GGT5: variants seen among roughly 807,000 people sequenced by gnomAD.
GGT5 encodes the protein glutathione hydrolase 5 proenzyme.
Under a neutral mutation model 58.1 loss-of-function variants are expected in GGT5, and 50 were observed. That is an observed-to-expected ratio of 0.86 (90% CI 0.69 to 1.09). The LOEUF (loss-of-function observed/expected upper bound fraction) is 1.09, where lower values mean the gene tolerates loss of function less well. Among genes scored for constraint, GGT5 ranks in the 50% least tolerant of loss-of-function variants. GGT5 has a pLI of 0.00. For missense variants in GGT5, 800 were observed against 789.4 expected (o/e 1.01, Z -0.16); for synonymous variants, 370 against 346.1 (o/e 1.07, Z -0.77).
Position 24,244,988 on chromosome 22 carries a change from C to G in GGT5, c.-263G>C. Reference sequence around the variant, plus strand: ...GGGCGGACAGACAGACAGGTCTGAACAGCGGGCTGCCAGATGGACAGATGG... The same window carrying G: ...GGGCGGACAGACAGACAGGTCTGAAGAGCGGGCTGCCAGATGGACAGATGG... On this transcript the variant is annotated 5_prime_UTR_variant, in exon 1 of 12. Coordinates refer to ENST00000327365, the MANE Select transcript of GGT5 (RefSeq NM_004121.5). The G allele has an allele frequency of 1.9e-6, 1 of 524,112 alleles. No homozygotes were observed. The allele number at this position is 524,112 out of a possible 1,614,324, so 32.5% of individuals were successfully genotyped here. A position where few individuals can be genotyped will look rare whatever the true frequency, so the allele number is the denominator to read the frequency against.
At chr22:24,233,838 C>A (rs774062530) in intron 2 of GGT5, 36 bp downstream of exon 2, 3 of 1,595,166 alleles carry the variant, frequency 1.9e-6, no homozygotes, top group Non-Finnish European at 2.6e-6. Context: ...TGTGGACAAG[C>A]CCATCTTCCC....
chr22:24,228,067 CAAAACAA>C lies in GGT5; in HGVS notation c.902-1307_902-1301del, dbSNP rs1601390296. Among the ~76,000 whole-genome samples the C allele has an allele frequency of 2.3e-5, 2 of 88,242 alleles. 1 individual carries two copies. The highest frequency in any genetic ancestry group is 6.7e-4 in the East Asian group (2 of 2,970). 57.9% of individuals were successfully genotyped at this position (88,242 alleles called of 152,430 possible). On this transcript the variant is annotated intron_variant, in intron 6 of 11. Transcript: ENST00000327365. ...CTGTCTCAAAAAAAAAAAAAAAAAACAAAACAAAAAAAAAAAAACTCTGAAAAATAGA... is the reference window on the plus strand; with the variant it reads ...CTGTCTCAAAAAAAAAAAAAAAAAACAAAAAAAAAAACTCTGAAAAATAGA...
At chr22:24,237,007 C>CT (rs35060391) in intron 1 of GGT5, among the ~76,000 whole-genome samples, 13,879 of 131,006 alleles carry the variant, frequency 0.11, 810 homozygotes, top group Admixed American at 0.19. Context: ...TCTTTTCTCT[C>CT]TTTTTTTTTT....
At chr22:24,220,513 A>T (rs1171732934) in intron 11 of GGT5, 4 of 459,992 alleles carry the variant, frequency 8.7e-6, no homozygotes, top group Non-Finnish European at 1.7e-5. Flanking sequence ...GCAATTTGGG[A>T]GGCTGAGGAA....
chr22:24,226,587 GGGA>G (rs2047772606), intron 7 of GGT5, 41 bp downstream of exon 7: 3 of 1,605,268 alleles, frequency 1.9e-6, no homozygotes, highest in African/African-American at 2.7e-5. Context: ...TCCTGAGCCA[GGGA>G]GGAGGACGGC....
chr22:24,225,438 G>A, intron 9 of GGT5, 27 bp from the exon 10 acceptor site: 1 of 1,607,068 alleles, frequency 6.2e-7, no homozygotes, highest in Non-Finnish European at 8.5e-7. Flanking sequence ...GTCTTGGCAA[G>A]TGCAGTGACC....
At position 24,219,939 on chromosome 22, in the gene GGT5, G is replaced by A. The variant is rs371665899; in HGVS notation, c.*31C>T. 9 of 1,609,548 alleles carry A rather than the reference G, an allele frequency of 5.6e-6. No homozygotes were observed. Among genetic ancestry groups the A allele is most frequent in the East Asian group, 2.2e-5 (1 of 44,838 alleles). ...GCCTGGACACAGGACTCATGGTGGG[G>A]CCAGACTTCAGCTCTGGGCAGAGCA... On this transcript the variant is annotated 3_prime_UTR_variant, in exon 12 of 12. Coordinates refer to ENST00000327365, the MANE Select transcript of GGT5 (RefSeq NM_004121.5).
intron 2 of GGT5, 110 bp downstream of exon 2, chr22:24,233,764 C>T: frequency 8.9e-7 from 1 of 1,129,242 alleles, no homozygotes; most frequent in Non-Finnish European, 1.3e-6. Context: ...GGGCAGGGGG[C>T]CCAAGAACAC....
In GGT5 at chr22:24,233,926, C is replaced by G. The variant is rs2048025360; in HGVS notation, c.252G>C (p.Gln84His). The G allele has an allele frequency of 3.7e-6, 6 of 1,613,736 alleles. No homozygotes were observed. Among genetic ancestry groups the G allele is most frequent in the African/African-American group, 2.7e-5 (2 of 74,906 alleles). The change falls in exon 2 of 12, where the codon CAG (glutamine) becomes CAC (histidine). Residue 84 changes from glutamine to histidine, a missense_variant. By Grantham distance (24) the Gln-to-His change is conservative. Transcript: ENST00000327365. ...TGACCCCTCCGCCCAGGCCCATGCT[C>G]TGAGGGTTGACGACGCTGGTGCAGA... is the stretch of plus-strand genomic sequence containing the variant. Reference protein sequence around the residue: ...ALVCTSVVNPQSMGLGGGVIF... With the variant: ...ALVCTSVVNPHSMGLGGGVIF...
intron 9 of GGT5, 28 bp from the exon 10 acceptor site, chr22:24,225,439 T>C (rs2047723408): frequency 1.2e-6 from 2 of 1,606,788 alleles, no homozygotes; most frequent in Admixed American, 1.7e-5. Flanking sequence ...TCTTGGCAAG[T>C]GCAGTGACCC....
intron 1 of GGT5, 132 bp downstream of exon 1, chr22:24,244,421 C>A: frequency 3.9e-6 from 3 of 768,618 alleles, no homozygotes; most frequent in Non-Finnish European, 4.5e-6. Context: ...CACATGCATG[C>A]AATCACACAT....
intron 11 of GGT5, among the ~76,000 whole-genome samples, chr22:24,222,064 A>G (rs2047605071): frequency 6.6e-6 from 1 of 152,038 alleles, no homozygotes; most frequent in Non-Finnish European, 1.5e-5. Flanking sequence ...TTGTAATCCC[A>G]GCTACTTGGG....
rs543569744 is a variant in GGT5, at chr22:24,219,905, C to T, written c.*65G>A. ...CCTGCCAGAGTAGTTGGTCCCCCAG[C>T]CATGTCCGGCCTGGACACAGGACTC... On this transcript the variant is annotated 3_prime_UTR_variant, in exon 12 of 12. Coordinates refer to ENST00000327365, the MANE Select transcript of GGT5 (RefSeq NM_004121.5). 1 of 1,526,174 alleles carries T rather than the reference C, an allele frequency of 6.6e-7. No homozygotes were observed. Among genetic ancestry groups the T allele is most frequent in the Non-Finnish European group, 9.0e-7 (1 of 1,107,996 alleles). 94.5% of individuals were successfully genotyped at this position (1,526,174 alleles called of 1,614,324 possible).
At chr22:24,242,700 T>C (rs573208506) in intron 1 of GGT5, 22 of 152,498 alleles carry the variant, frequency 1.4e-4, no homozygotes, top group African/African-American at 4.8e-4. Context: ...CATGGGCTTC[T>C]GGTGGCCCCA....
At chr22:24,222,053 C>CTTGTA (rs1385734081) in intron 11 of GGT5, among the ~76,000 whole-genome samples, 1 of 152,046 alleles carries the variant, frequency 6.6e-6, no homozygotes, top group Admixed American at 6.5e-5. Flanking sequence ...GTGGCACACA[C>CTTGTA]TTGTAATCCC....
rs998788857 is a variant in GGT5 at position 24,244,378 on chromosome 22, A to C, written c.173+175T>G. ...ACATTCACACACACCCACACTCCCCACACTCACACTCACATACACTCACAC... is the reference window on the plus strand; with the variant it reads ...ACATTCACACACACCCACACTCCCCCCACTCACACTCACATACACTCACAC... On this transcript the variant is annotated intron_variant, in intron 1 of 11. Coordinates refer to ENST00000327365, the MANE Select transcript of GGT5 (RefSeq NM_004121.5). 12 of 631,012 alleles carry C rather than the reference A, an allele frequency of 1.9e-5. No individual in the cohort carries two copies. In the African/African-American group the frequency reaches 2.2e-4, roughly 12 times the overall value. The allele number at this position is 631,012 out of a possible 1,614,324, so 39.1% of individuals were successfully genotyped here.
At position 24,233,612 on chromosome 22, in the gene GGT5, G is replaced by A. The variant is rs1440045580; in HGVS notation, c.305-19C>T. On this transcript the variant is annotated intron_variant, in intron 2 of 11. Coordinates refer to ENST00000327365, the MANE Select transcript of GGT5 (RefSeq NM_004121.5). The stretch of plus-strand genomic sequence containing the variant: ...ACCTTCCCTGGAGTAGGGCAGGGCA[G>A]GTGAGTGGTCATGGACCCTGCAGAC... 1 of 1,510,770 alleles carries A rather than the reference G, an allele frequency of 6.6e-7. No individual in the cohort carries two copies. The highest frequency in any genetic ancestry group is 9.1e-7 in the Non-Finnish European group (1 of 1,099,328). The allele number at this position is 1,510,770 out of a possible 1,614,324, so 93.6% of individuals were successfully genotyped here. A position where few individuals can be genotyped will look rare whatever the true frequency, so the allele number is the denominator to read the frequency against.
intron 11 of GGT5, among the ~76,000 whole-genome samples, chr22:24,222,215 C>A (rs1176118510): frequency 6.6e-6 from 1 of 151,666 alleles, no homozygotes; most frequent in Non-Finnish European, 1.5e-5. Flanking sequence ...CAAAACAAAA[C>A]AAAAAAAACT....
Position 24,219,861 on chromosome 22 carries a change from C to T in GGT5, c.*109G>A. On this transcript the variant is annotated 3_prime_UTR_variant, in exon 12 of 12. Coordinates refer to ENST00000327365, the MANE Select transcript of GGT5 (RefSeq NM_004121.5). Reference sequence around the variant, plus strand: ...ACCTCTTCCACTCTCAGCTGGACTCCCCTGCCAGGGGTCCAGATCCTGCCA... The same window carrying T: ...ACCTCTTCCACTCTCAGCTGGACTCTCCTGCCAGGGGTCCAGATCCTGCCA... The T allele has an allele frequency of 9.0e-7, 1 of 1,111,074 alleles. No homozygotes were observed. Among genetic ancestry groups the T allele is most frequent in the Non-Finnish European group, 1.3e-6 (1 of 762,560 alleles). The allele number at this position is 1,111,074 out of a possible 1,614,324, so 68.8% of individuals were successfully genotyped here.
Sources: gnomAD v4.1 joint callset for allele counts (sites outside exome capture counted in the v4.1 genomes callset) on GRCh38, gnomAD v4.1.1 for gene constraint, MANE v1.5 for transcripts, NCBI Gene and HGNC (gene_info 2026-07-23, HGNC 2026-07-21) for gene names.